The following FAM107B variants were observed in gnomAD, a reference collection of about 807,000 sequenced individuals.
FAM107B encodes the protein protein FAM107B.
Under a neutral mutation model 31.5 loss-of-function variants are expected in FAM107B, and 21 were observed. That is an observed-to-expected ratio of 0.67 (90% CI 0.47 to 0.96). The LOEUF is 0.96. Ranked by LOEUF, FAM107B falls within the 40% of genes least tolerant of loss-of-function variation. FAM107B has a pLI of 0.00. For synonymous variants in FAM107B, 157 were observed against 141.5 expected, an observed-to-expected ratio of 1.11 and a Z score of -0.78; for missense variants, 452 against 377.1, an observed-to-expected ratio of 1.20 and a Z score of -1.64.
At position 14,687,732 on chromosome 10, in the gene FAM107B, C is replaced by T. The variant is rs181546581; in HGVS notation, c.412-20041G>A. ...ATTCCATTTCTGCCTCTAAAAGTTT[C>T]TCTGCCCAATTCTTATTCCTGGCTA... On this transcript the variant is annotated intron_variant, in intron 1 of 4. Transcript: ENST00000181796. Among the ~76,000 whole-genome samples, 57 of 152,290 alleles carry T rather than the reference C, an allele frequency of 3.7e-4. No individual in the cohort carries two copies. In the East Asian group the frequency reaches 9.3e-3, roughly 25 times the overall value.
intron 2 of FAM107B, among the ~76,000 whole-genome samples, chr10:14,643,344 C>G (rs951143933): frequency 1.8e-4 from 28 of 151,796 alleles, no homozygotes; most frequent in African/African-American, 6.8e-4. Flanking sequence ...CAGGAGGGAT[C>G]CCCTCTTACT....
chr10:14,526,163 G>C (rs1160245842), intron 3 of FAM107B, among the ~76,000 whole-genome samples: 2 of 152,178 alleles, frequency 1.3e-5, no homozygotes, highest in East Asian at 1.9e-4. Flanking sequence ...AATTTGATTT[G>C]AATTTAGCCC....
chr10:14,550,112 A>T (rs545218575), intron 2 of FAM107B, among the ~76,000 whole-genome samples: 8 of 152,338 alleles, frequency 5.3e-5, no homozygotes, highest in African/African-American at 1.9e-4. Flanking sequence ...AGTGATGAGG[A>T]ACAGAGACAT....
chr10:14,636,943 C>T (rs1321991628), intron 2 of FAM107B, among the ~76,000 whole-genome samples: 1 of 151,778 alleles, frequency 6.6e-6, no homozygotes, highest in Non-Finnish European at 1.5e-5. Context: ...TTTGTTTTTG[C>T]CAGATGTCCT....
intron 2 of FAM107B, among the ~76,000 whole-genome samples, chr10:14,640,622 C>T (rs1853604267): frequency 6.6e-6 from 1 of 152,160 alleles, no homozygotes; most frequent in Non-Finnish European, 1.5e-5. Flanking sequence ...AATTTTCTTT[C>T]TGTCTACTGG....
chr10:14,619,980 G>A (rs1015448447), intron 2 of FAM107B, among the ~76,000 whole-genome samples: 9 of 149,710 alleles, frequency 6.0e-5, no homozygotes, highest in East Asian at 2.0e-4. Context: ...TCAGTTGACC[G>A]TGTAAGTGTC....
intron 1 of FAM107B, chr10:14,723,196 C>T (rs1460363117): frequency 1.3e-5 from 7 of 522,292 alleles, no homozygotes; most frequent in African/African-American, 1.9e-5. Flanking sequence ...TGCTCCTAAC[C>T]ATTCAGTGGC....
intron 1 of FAM107B, among the ~76,000 whole-genome samples, chr10:14,734,548 C>A (rs1222731470): frequency 6.7e-6 from 1 of 149,576 alleles, no homozygotes; most frequent in East Asian, 2.0e-4. Flanking sequence ...TATGTGTGGC[C>A]CAAGATAATT....
chr10:14,713,501 C>T (rs924165677), intron 1 of FAM107B, among the ~76,000 whole-genome samples: 12 of 152,112 alleles, frequency 7.9e-5, no homozygotes, highest in African/African-American at 1.9e-4. Context: ...GGGGAAACAG[C>T]GGAAAACTGA....
At chr10:14,727,347 C>A (rs1398546697) in intron 1 of FAM107B, among the ~76,000 whole-genome samples, 1 of 152,126 alleles carries the variant, frequency 6.6e-6, no homozygotes, top group Non-Finnish European at 1.5e-5. Flanking sequence ...AGAAATACAC[C>A]ATCATGCTCG....
chr10:14,669,803 G>A (rs1854499103), intron 1 of FAM107B, among the ~76,000 whole-genome samples: 1 of 152,170 alleles, frequency 6.6e-6, no homozygotes, highest in East Asian at 1.9e-4. Flanking sequence ...AATGAAGAGA[G>A]GTTGGTTAAT....
At chr10:14,634,563 T>C (rs946623785) in intron 2 of FAM107B, among the ~76,000 whole-genome samples, 15 of 151,098 alleles carry the variant, frequency 9.9e-5, no homozygotes, top group Admixed American at 6.6e-4. Context: ...TGGAATTAAC[T>C]CTCCCACAGA....
chr10:14,708,197 C>A lies in FAM107B; in HGVS notation c.412-40506G>T, dbSNP rs139703816. 5.7e-4 allele frequency among the ~76,000 whole-genome samples: 87 copies of A among 152,310 alleles called. No homozygotes were observed. In the East Asian group the frequency reaches 0.014, roughly 24 times the overall value. ...GGTTCAAGAGATTCTCCTTTCTCAG[C>A]CTCCCTGGTAGCTGGGATTACAGGT... On this transcript the variant is annotated intron_variant, in intron 1 of 4. Transcript: ENST00000181796.
intron 1 of FAM107B, among the ~76,000 whole-genome samples, chr10:14,730,439 G>A (rs750691475): frequency 4.6e-5 from 7 of 152,208 alleles, no homozygotes; most frequent in Admixed American, 1.3e-4. Flanking sequence ...AAAGGTGTCA[G>A]GGCAATTCAC....
chr10:14,709,138 G>C (rs928448320), intron 1 of FAM107B, among the ~76,000 whole-genome samples: 1 of 152,180 alleles, frequency 6.6e-6, no homozygotes, highest in Non-Finnish European at 1.5e-5. Context: ...CAGTTTGGTA[G>C]TTTCTCACAA....
chr10:14,649,516 C>T (rs946876633), intron 2 of FAM107B, among the ~76,000 whole-genome samples: 2 of 152,200 alleles, frequency 1.3e-5, no homozygotes, highest in East Asian at 1.9e-4. Flanking sequence ...TTAGTCTCCA[C>T]AACTTCTTAT....
At chr10:14,686,612 T>C (rs1209573364) in intron 1 of FAM107B, among the ~76,000 whole-genome samples, 2 of 152,214 alleles carry the variant, frequency 1.3e-5, no homozygotes, top group African/African-American at 4.8e-5. Context: ...CAGTAGCGAA[T>C]ATTTTTGGTA....
chr10:14,743,125 G>A (rs1832654631), intron 1 of FAM107B, among the ~76,000 whole-genome samples: 1 of 152,150 alleles, frequency 6.6e-6, no homozygotes, highest in African/African-American at 2.4e-5. Flanking sequence ...GATCAATGAT[G>A]TTGAGCTTTT....
intron 2 of FAM107B, among the ~76,000 whole-genome samples, chr10:14,629,294 TGTATAA>T (rs376917190): frequency 9.2e-4 from 68 of 74,254 alleles, no homozygotes; most frequent in East Asian, 4.8e-3. Flanking sequence ...AAATATAAAT[TGTATAA>T]ATATATAATA....
Sources: gnomAD v4.1 joint callset for allele counts (sites outside exome capture counted in the v4.1 genomes callset) on GRCh38, gnomAD v4.1.1 for gene constraint, MANE v1.5 for transcripts, NCBI Gene and HGNC (gene_info 2026-07-23, HGNC 2026-07-21) for gene names.